The following LY6G5C variants were observed in gnomAD, a reference collection of about 807,000 sequenced individuals.
The protein encoded by LY6G5C is lymphocyte antigen 6 family member G5C, also known as lymphocyte antigen 6 complex locus protein G5c.
LY6G5C carries 6 observed loss-of-function variants against 10.5 expected under a neutral mutation model. That is an observed-to-expected ratio of 0.57 (90% CI 0.31 to 1.12). The LOEUF (loss-of-function observed/expected upper bound fraction) is 1.12, where lower values mean the gene tolerates loss of function less well. Among genes scored for constraint, LY6G5C ranks in the 50% most tolerant of loss-of-function variants. The pLI is 0.05. For synonymous variants in LY6G5C, 69 were observed against 67.8 expected (o/e 1.02, Z -0.09); for missense variants, 160 against 185.5 (o/e 0.86, Z 0.80).
In LY6G5C at chr6:31,680,211, A is replaced by G. The variant is rs769947732; in HGVS notation, c.121+42T>C. 3 of 1,612,418 alleles carry G rather than the reference A, an allele frequency of 1.9e-6. No homozygotes were observed. Among genetic ancestry groups the G allele is most frequent in the Non-Finnish European group, 2.5e-6 (3 of 1,179,694 alleles). The stretch of plus-strand genomic sequence containing the variant: ...ACACTTGGTGTCTGTGGGTTTCTCC[A>G]TCCAGGCCAGGAGACCCTTCTGAAC... On this transcript the variant is annotated intron_variant, in intron 1 of 2. Coordinates refer to ENST00000383237, the Ensembl canonical transcript of LY6G5C. This position sits in a 1 kb window ranked among gnomAD's most constrained non-coding sequence, Gnocchi z 4.5.
rs757543252 is a variant in LY6G5C at position 31,680,193 on chromosome 6, G to A, written c.121+60C>T. ...CTGGACAGGTGTACCCAGACACTTG[G>A]TGTCTGTGGGTTTCTCCATCCAGGC... On this transcript the variant is annotated intron_variant, in intron 1 of 2. Transcript: ENST00000383237. The surrounding 1 kb of genome is among the most constrained non-coding windows in gnomAD (Gnocchi z 4.5). 1 of 1,607,722 alleles carries A rather than the reference G, an allele frequency of 6.2e-7. No individual in the cohort carries two copies. The highest frequency in any genetic ancestry group is 1.1e-5 in the South Asian group (1 of 90,886).
upstream of LY6G5C, chr6:31,680,379 C>T (rs763357779): frequency 1.9e-6 from 3 of 1,606,100 alleles, no homozygotes; most frequent in Non-Finnish European, 2.6e-6. This position sits in a 1 kb window ranked among gnomAD's most constrained non-coding sequence, Gnocchi z 4.5. Flanking sequence ...CGCATGACTG[C>T]CTGCTGGCCT....
chr6:31,676,757 G>T, exon 3 of LY6G5C: 1 of 539,090 alleles, frequency 1.9e-6, no homozygotes. Flanking sequence ...CTGGTGGGCA[G>T]TAGGGCTGGG....
Position 31,680,055 on chromosome 6 carries a change from T to C in LY6G5C, c.121+198A>G. The C allele has an allele frequency of 1.8e-6, 1 of 549,746 alleles. No individual in the cohort carries two copies. Among genetic ancestry groups the C allele is most frequent in the African/African-American group, 1.9e-5 (1 of 52,728 alleles). The allele number at this position is 549,746 out of a possible 1,614,324, so 34.1% of individuals were successfully genotyped here. On this transcript the variant is annotated intron_variant, in intron 1 of 2. Transcript: ENST00000383237. The surrounding 1 kb of genome is among the most constrained non-coding windows in gnomAD (Gnocchi z 4.5). ...GAGCGAGACTCCATCTCAAAAATAA[T>C]AATAATAATAAATTTTTAAAAATCT...
At position 31,679,221 on chromosome 6, in the gene LY6G5C, G is replaced by A. The variant is rs1327838959; in HGVS notation, c.169C>T (p.Pro57Ser). 1 of 1,612,902 alleles carries A rather than the reference G, an allele frequency of 6.2e-7. No individual in the cohort carries two copies. The highest frequency in any genetic ancestry group is 8.5e-7 in the Non-Finnish European group (1 of 1,179,992). ...CATCGGTAGCAGCGCAGGTATTTGG[G>A]GAATGGAAGTGGTTGAGGGGGTTCC... The change falls in exon 2 of 3, where the codon CCC (proline) becomes TCC (serine). Residue 57 changes from proline to serine, a missense_variant. Coordinates refer to ENST00000383237, the Ensembl canonical transcript of LY6G5C. This position sits in a 1 kb window ranked among gnomAD's most constrained non-coding sequence, Gnocchi z 4.4.
At chr6:31,678,975 A>C in intron 2 of LY6G5C, 126 bp downstream of exon 2, 1 of 1,128,242 alleles carries the variant, frequency 8.9e-7, no homozygotes, top group Non-Finnish European at 1.3e-6. Context: ...GCAGCAAAAA[A>C]AAAAAGACAG....
At chr6:31,678,621 C>A (rs2280800) in intron 2 of LY6G5C, among the ~76,000 whole-genome samples, 20,597 of 152,062 alleles carry the variant, frequency 0.14, 1,739 homozygotes, top group Admixed American at 0.19. Flanking sequence ...AGGGTAGAAG[C>A]TATTCAGCTA....
Position 31,679,358 on chromosome 6 carries a change from C to T in LY6G5C, c.122-90G>A. On this transcript the variant is annotated intron_variant, in intron 1 of 2. Coordinates refer to ENST00000383237, the Ensembl canonical transcript of LY6G5C. The surrounding 1 kb of genome is among the most constrained non-coding windows in gnomAD (Gnocchi z 4.4). Reference sequence around the variant, plus strand: ...GATTCCAGGCCACTCAGCCCCACTCCTCCCTCCCTTCCTGTCTCAGAAAAC... The same window carrying T: ...GATTCCAGGCCACTCAGCCCCACTCTTCCCTCCCTTCCTGTCTCAGAAAAC... 1.4e-6 allele frequency: 2 copies of T among 1,403,330 alleles called. No homozygotes were observed. The highest frequency in any genetic ancestry group is 2.3e-5 in the East Asian group (1 of 43,560). The allele number at this position is 1,403,330 out of a possible 1,614,324, so 86.9% of individuals were successfully genotyped here.
intron 2 of LY6G5C, 92 bp from the exon 3 acceptor site, chr6:31,677,212 G>A: frequency 7.8e-7 from 1 of 1,282,858 alleles, no homozygotes; most frequent in African/African-American, 1.5e-5. Context: ...AAAAAAAAAA[G>A]AAAAAGAAAA....
chr6:31,679,391 G>GC lies in LY6G5C; in HGVS notation c.122-124dup. The stretch of plus-strand genomic sequence containing the variant: ...CTTCCTGTCTCAGAAAACCATCAAA[G>GC]CCCCAATTCTCTGCTTCCTTCCCCA... On this transcript the variant is annotated intron_variant, in intron 1 of 2. Coordinates refer to ENST00000383237, the Ensembl canonical transcript of LY6G5C. The surrounding 1 kb of genome is among the most constrained non-coding windows in gnomAD (Gnocchi z 4.4). The GC allele has an allele frequency of 9.3e-7, 1 of 1,073,548 alleles. No individual in the cohort carries two copies. Among genetic ancestry groups the GC allele is most frequent in the South Asian group, 1.4e-5 (1 of 71,848 alleles). 66.5% of individuals were successfully genotyped at this position (1,073,548 alleles called of 1,614,324 possible). A position where few individuals can be genotyped will look rare whatever the true frequency, so the allele number is the denominator to read the frequency against.
intron 2 of LY6G5C, among the ~76,000 whole-genome samples, chr6:31,677,477 G>A (rs757183359): frequency 3.3e-5 from 5 of 152,308 alleles, no homozygotes; most frequent in Non-Finnish European, 7.4e-5. Context: ...AAGAGAATAA[G>A]ATGATGTCTG....
chr6:31,676,788 G>A (rs1037017944), exon 3 of LY6G5C: 38 of 651,012 alleles, frequency 5.8e-5, no homozygotes, highest in South Asian at 2.1e-4. Flanking sequence ...AGCAGTAAGT[G>A]TGCTGAAGGG....
At chr6:31,678,969 C>CAA (rs9281552) in intron 2 of LY6G5C, 132 bp downstream of exon 2, 26,410 of 869,246 alleles carry the variant, frequency 0.03, 161 homozygotes, top group Non-Finnish European at 0.028. Context: ...GACAGAGCAG[C>CAA]AAAAAAAAAA....
At chr6:31,677,059 T>A in exon 3 of LY6G5C, 1 of 1,612,994 alleles carries the variant, frequency 6.2e-7, no homozygotes, top group Non-Finnish European at 8.5e-7. Flanking sequence ...TTCGGGTATT[T>A]GAACAATCAC....
At position 31,680,376 on chromosome 6, in the gene LY6G5C, C is replaced by G; in HGVS notation, c.-3G>C. 1 of 1,607,378 alleles carries G rather than the reference C, an allele frequency of 6.2e-7. No individual in the cohort carries two copies. The highest frequency in any genetic ancestry group is 1.1e-5 in the South Asian group (1 of 90,768). Reference sequence around the variant, plus strand: ...GCAGGGCCTGCCATAAAACGCATGACTGCCTGCTGGCCTCCAGTTTGGGCT... The same window carrying G: ...GCAGGGCCTGCCATAAAACGCATGAGTGCCTGCTGGCCTCCAGTTTGGGCT... On this transcript the variant is annotated 5_prime_UTR_variant, in exon 1 of 3. Transcript: ENST00000383237. This position sits in a 1 kb window ranked among gnomAD's most constrained non-coding sequence, Gnocchi z 4.5.
Position 31,680,069 on chromosome 6 carries a change from T to G in LY6G5C, c.121+184A>C, listed in dbSNP as rs1802799508. 1.7e-6 allele frequency: 1 copy of G among 595,044 alleles called. No individual in the cohort carries two copies. The highest frequency in any genetic ancestry group is 2.9e-6 in the Non-Finnish European group (1 of 339,660). 36.9% of individuals were successfully genotyped at this position (595,044 alleles called of 1,614,324 possible). On this transcript the variant is annotated intron_variant, in intron 1 of 2. Transcript: ENST00000383237. The surrounding 1 kb of genome is among the most constrained non-coding windows in gnomAD (Gnocchi z 4.5). Reference sequence around the variant, plus strand: ...CTCAAAAATAATAATAATAATAAATTTTTAAAAATCTTCAGATTGCACATC... The same window carrying G: ...CTCAAAAATAATAATAATAATAAATGTTTAAAAATCTTCAGATTGCACATC...
At chr6:31,677,165 A>G in intron 2 of LY6G5C, 45 bp from the exon 3 acceptor site, 5 of 1,593,408 alleles carry the variant, frequency 3.1e-6, no homozygotes, top group Non-Finnish European at 4.3e-6. Flanking sequence ...GTCCCCAGGA[A>G]GAGCCCCAAA....
rs566970412 is a variant in LY6G5C at position 31,677,041 on chromosome 6, C to T, written c.369G>A (p.Pro123=). The T allele has an allele frequency of 1.7e-5, 27 of 1,612,918 alleles. No homozygotes were observed. The Middle Eastern group carries it at 8.2e-4, about 49-fold the overall frequency. Residue 123 remains proline (P), a synonymous_variant, in exon 3 of 3, where the codon CCG becomes CCA. Coordinates refer to ENST00000383237, the Ensembl canonical transcript of LY6G5C. ...GAGAGAATATCCAGAAGCCAGACAC[C>T]GGAGAAGTTCGGGTATTTGAACAAT...
rs779327118 is a variant in LY6G5C at position 31,679,228 on chromosome 6, A to G, written c.162T>C (p.Leu54=). Residue 54 remains leucine (L), a synonymous_variant, in exon 2 of 3, where the codon CTT becomes CTC. Coordinates refer to ENST00000383237, the Ensembl canonical transcript of LY6G5C. This position sits in a 1 kb window ranked among gnomAD's most constrained non-coding sequence, Gnocchi z 4.4. ...AGCAGCGCAGGTATTTGGGGAATGG[A>G]AGTGGTTGAGGGGGTTCCCAATTGA... 1 of 1,612,982 alleles carries G rather than the reference A, an allele frequency of 6.2e-7. No individual in the cohort carries two copies.
Sources: allele counts gnomAD v4.1 joint callset (sites outside exome capture counted in the v4.1 genomes callset), GRCh38; gene constraint gnomAD v4.1.1; non-coding constraint Gnocchi (gnomAD v3.1); transcripts MANE v1.5; gene names NCBI Gene and HGNC (gene_info 2026-07-23, HGNC 2026-07-21).